The following GBE1 variants were observed in gnomAD, a reference collection of about 807,000 sequenced individuals.
GBE1 encodes the protein 1,4-alpha-glucan branching enzyme 1.
GBE1 carries 70 observed loss-of-function variants against 88.8 expected under a neutral mutation model. The ratio of observed to expected loss-of-function variants is 0.79; its 90% CI spans 0.65 to 0.96. The LOEUF (loss-of-function observed/expected upper bound fraction) is 0.96, where lower values mean the gene tolerates loss of function less well. Among genes scored for constraint, GBE1 ranks in the 40% least tolerant of loss-of-function variants. GBE1 has a pLI of 0.00. For synonymous variants in GBE1, 284 were observed against 300.1 expected, an observed-to-expected ratio of 0.95 and a Z score of 0.56; for missense variants, 872 against 871.0, an observed-to-expected ratio of 1.00 and a Z score of -0.01.
intron 2 of GBE1, among the ~76,000 whole-genome samples, chr3:81,703,446 CT>C (rs1260581942): frequency 1.3e-5 from 2 of 151,950 alleles, no homozygotes; most frequent in East Asian, 3.9e-4. Flanking sequence ...TAGACCTGTA[CT>C]TTCCAGTAAA....
chr3:81,533,095 T>C lies in GBE1; in HGVS notation c.1934+2100A>G, dbSNP rs183778254. ...TCCACTTAAGGGTCAAGGAAAGCGC[T>C]GCAAAGATATAACAAAGATTGAAGT... On this transcript the variant is annotated intron_variant, in intron 14 of 15. Transcript: ENST00000429644. Among the ~76,000 whole-genome samples, 357 of 152,202 alleles carry C rather than the reference T, an allele frequency of 2.3e-3. 2 individuals are homozygous for C. Among genetic ancestry groups the C allele is most frequent in the African/African-American group, 8.2e-3 (341 of 41,560 alleles).
intron 7 of GBE1, among the ~76,000 whole-genome samples, chr3:81,639,593 C>T (rs996438498): frequency 1.3e-5 from 2 of 152,096 alleles, no homozygotes; most frequent in African/African-American, 4.8e-5. Context: ...ATTAGATAAA[C>T]TAACAAGTTT....
intron 9 of GBE1, among the ~76,000 whole-genome samples, chr3:81,589,881 T>C (rs1703854156): frequency 1.3e-5 from 2 of 152,032 alleles, no homozygotes; most frequent in African/African-American, 4.8e-5. Context: ...GTTAAAGATA[T>C]TCAGCACAAA....
At chr3:81,672,882 C>T (rs1011236956) in intron 2 of GBE1, among the ~76,000 whole-genome samples, 4 of 151,744 alleles carry the variant, frequency 2.6e-5, no homozygotes, top group African/African-American at 9.7e-5. Context: ...TTTTTTCTTC[C>T]ATTACATATT....
intron 2 of GBE1, among the ~76,000 whole-genome samples, chr3:81,675,552 G>A (rs371585270): frequency 2.0e-5 from 3 of 151,868 alleles, no homozygotes; most frequent in African/African-American, 7.3e-5. Context: ...TATTCACACC[G>A]AAACATTGCT....
chr3:81,582,715 G>A (rs1191817597), intron 10 of GBE1, among the ~76,000 whole-genome samples: 3 of 152,048 alleles, frequency 2.0e-5, no homozygotes, highest in Non-Finnish European at 4.4e-5. Context: ...AGAACCTTGA[G>A]CTAAGTCTTA....
At chr3:81,534,229 G>A (rs1237459373) in intron 14 of GBE1, among the ~76,000 whole-genome samples, 1 of 151,934 alleles carries the variant, frequency 6.6e-6, no homozygotes, top group Non-Finnish European at 1.5e-5. Context: ...CATGGATCTA[G>A]TAACATGTCT....
rs1285417010 is a variant in GBE1 at position 81,608,581 on chromosome 3, CA to C, written c.993-14559del. On this transcript the variant is annotated intron_variant, in intron 7 of 15. Coordinates refer to ENST00000429644, the MANE Select transcript of GBE1 (RefSeq NM_000158.4). ...GAACTGTCATTGTGAACACTTCCCA[CA>C]ACATTATTCAATGACCCCCAAACAA... is the stretch of plus-strand genomic sequence containing the variant. Among the ~76,000 whole-genome samples, 21 of 151,956 alleles carry C rather than the reference CA, an allele frequency of 1.4e-4. 1 individual carries two copies. Among genetic ancestry groups the C allele is most frequent in the Admixed American group, 1.4e-3 (21 of 15,246 alleles).
rs371398560 is a variant in GBE1, at chr3:81,593,672, CA to C, written c.1108+235del. Among the ~76,000 whole-genome samples, 698 of 151,924 alleles carry C rather than the reference CA, an allele frequency of 4.6e-3. 7 individuals are homozygous for C. The highest frequency in any genetic ancestry group is 0.014 in the Middle Eastern group (4 of 290). On this transcript the variant is annotated intron_variant, in intron 8 of 15. Coordinates refer to ENST00000429644, the MANE Select transcript of GBE1 (RefSeq NM_000158.4). ...AGAGTGTTACAATAAATGGTTTCCT[CA>C]AAAAAATTTTAAGCTACACACGAAT...
At chr3:81,499,409 A>T (rs993284890) in intron 14 of GBE1, among the ~76,000 whole-genome samples, 182 bp from the exon 15 acceptor site, 6 of 152,186 alleles carry the variant, frequency 3.9e-5, no homozygotes, top group Non-Finnish European at 7.4e-5. Flanking sequence ...TCTACTGCAC[A>T]CACTCATGAG....
chr3:81,578,533 A>C (rs1038014961), intron 11 of GBE1, among the ~76,000 whole-genome samples: 1 of 151,108 alleles, frequency 6.6e-6, no homozygotes, highest in Non-Finnish European at 1.5e-5. Flanking sequence ...TATTTTGCTC[A>C]TATATATGAG....
chr3:81,724,168 T>C (rs1706076731), intron 1 of GBE1, among the ~76,000 whole-genome samples: 1 of 152,198 alleles, frequency 6.6e-6, no homozygotes, highest in Admixed American at 6.6e-5. Context: ...TCAGTGAACA[T>C]GGCTATAATT....
intron 14 of GBE1, among the ~76,000 whole-genome samples, chr3:81,526,026 A>T (rs1056301911): frequency 4.6e-5 from 7 of 151,838 alleles, no homozygotes; most frequent in African/African-American, 1.5e-4. Context: ...TATGTCTCTA[A>T]TTCCTTCAGT....
chr3:81,610,871 T>C (rs9814053), intron 7 of GBE1, among the ~76,000 whole-genome samples: 100,234 of 151,960 alleles, frequency 0.66, 35,037 homozygotes, highest in East Asian at 0.92. Context: ...TAAAAGTGGT[T>C]GGCTTTCCCT....
chr3:81,532,800 T>C lies in GBE1; in HGVS notation c.1934+2395A>G, dbSNP rs79938323. On this transcript the variant is annotated intron_variant, in intron 14 of 15. Coordinates refer to ENST00000429644, the MANE Select transcript of GBE1 (RefSeq NM_000158.4). ...TAGTCATCATTCTCCAATTAATCCA[T>C]TGTACTGTCCATTATCTAAGAATAG... Among the ~76,000 whole-genome samples, 887 of 152,210 alleles carry C rather than the reference T, an allele frequency of 5.8e-3. 6 individuals carry two copies. Among genetic ancestry groups the C allele is most frequent in the African/African-American group, 0.017 (702 of 41,578 alleles).
intron 7 of GBE1, among the ~76,000 whole-genome samples, chr3:81,599,885 T>G (rs1366446699): frequency 6.6e-6 from 1 of 152,204 alleles, no homozygotes; most frequent in East Asian, 1.9e-4. Context: ...AAAGAGCTTA[T>G]TTTAAAGGTA....
chr3:81,624,965 G>T (rs1285689685), intron 7 of GBE1, among the ~76,000 whole-genome samples: 1 of 152,162 alleles, frequency 6.6e-6, no homozygotes, highest in African/African-American at 2.4e-5. Flanking sequence ...CAGCATAGCA[G>T]GGAAAAGAGC....
chr3:81,622,060 T>C (rs7643871), intron 7 of GBE1, among the ~76,000 whole-genome samples: 80 of 152,344 alleles, frequency 5.3e-4, no homozygotes, highest in Middle Eastern at 6.8e-3. Context: ...TTTTTGACTT[T>C]TGACCTCCAT....
intron 14 of GBE1, among the ~76,000 whole-genome samples, chr3:81,528,906 G>A (rs1357902809): frequency 6.6e-6 from 1 of 151,912 alleles, no homozygotes; most frequent in Non-Finnish European, 1.5e-5. Flanking sequence ...TAGATATTTA[G>A]GTTTTGTATT....
Sources: allele counts gnomAD v4.1 joint callset (sites outside exome capture counted in the v4.1 genomes callset), GRCh38; gene constraint gnomAD v4.1.1; transcripts MANE v1.5; gene names NCBI Gene and HGNC (gene_info 2026-07-23, HGNC 2026-07-21).